The following RIMBP2 variants were observed in gnomAD, a reference collection of about 807,000 sequenced individuals.
The protein encoded by RIMBP2 is RIMS binding protein 2.
A neutral mutation model predicts 118.6 loss-of-function variants in RIMBP2; 48 were observed. The observed-to-expected ratio is 0.40, with a 90% CI of 0.32 to 0.51. RIMBP2 has a LOEUF of 0.51. RIMBP2 is among the 20% of genes least tolerant of loss of function. RIMBP2 has a pLI of 0.41. For synonymous variants in RIMBP2, 762 were observed against 742.9 expected, an observed-to-expected ratio of 1.03 and a Z score of -0.42; for missense variants, 1,551 against 1,768.3, an observed-to-expected ratio of 0.88 and a Z score of 2.20.
intron 2 of RIMBP2, among the ~76,000 whole-genome samples, chr12:130,610,551 C>CTTTTTTTTTTT (rs386378269): frequency 6.1e-5 from 5 of 81,566 alleles, no homozygotes; most frequent in African/African-American, 1.9e-4. Context: ...AATTTTCCTG[C>CTTTTTTTTTTT]TTTTTTTTTT....
rs1269962941 is a variant in RIMBP2 at position 130,559,305 on chromosome 12, C to A, written c.-216-41388G>T. ...ATTTTGTATCCTTCCAACAACAGCT[C>A]CCCACCCCCTACCCCATGCCCTGGC... On this transcript the variant is annotated intron_variant, in intron 2 of 22. Transcript: ENST00000690449. Among the ~76,000 whole-genome samples, 3 of 152,124 alleles carry A rather than the reference C, an allele frequency of 2.0e-5. No individual in the cohort carries two copies. In the East Asian group the frequency reaches 5.8e-4, roughly 29 times the overall value.
intron 2 of RIMBP2, among the ~76,000 whole-genome samples, chr12:130,611,178 C>T (rs867808345): frequency 3.7e-4 from 57 of 152,218 alleles, no homozygotes; most frequent in Non-Finnish European, 7.3e-5. Flanking sequence ...CTCCAGGCAT[C>T]GCTGCCAACA....
intron 1 of RIMBP2, among the ~76,000 whole-genome samples, chr12:130,646,394 A>C (rs80055208): frequency 9.2e-5 from 4 of 43,646 alleles, no homozygotes; most frequent in African/African-American, 1.6e-4. Context: ...CACCTCCCTC[A>C]CCACCTGCCT....
intron 1 of RIMBP2, among the ~76,000 whole-genome samples, chr12:130,687,794 A>C (rs1318130432): frequency 6.6e-6 from 1 of 152,212 alleles, no homozygotes; most frequent in African/African-American, 2.4e-5. Flanking sequence ...AAAGTATAAT[A>C]ATGGCTTATT....
At chr12:130,411,153 G>C (rs2075682654) in intron 19 of RIMBP2, among the ~76,000 whole-genome samples, 1 of 152,076 alleles carries the variant, frequency 6.6e-6, no homozygotes, top group African/African-American at 2.4e-5. Flanking sequence ...AATTTTCATT[G>C]CTCACATATG....
intron 3 of RIMBP2, among the ~76,000 whole-genome samples, chr12:130,509,452 T>C (rs2050684387): frequency 6.6e-6 from 1 of 152,224 alleles, no homozygotes; most frequent in Non-Finnish European, 1.5e-5. Context: ...GTACCTGGTC[T>C]ACCCCGGCTT....
chr12:130,403,322 C>T (rs1012799907), intron 21 of RIMBP2, among the ~76,000 whole-genome samples: 2 of 152,080 alleles, frequency 1.3e-5, no homozygotes, highest in Non-Finnish European at 2.9e-5. Context: ...AAGAAGCATA[C>T]GTTTCATATT....
chr12:130,546,049 C>T (rs1184654962), intron 2 of RIMBP2, among the ~76,000 whole-genome samples: 1 of 151,334 alleles, frequency 6.6e-6, no homozygotes, highest in Non-Finnish European at 1.5e-5. Flanking sequence ...ATGGGAGAGT[C>T]CTGTCCCCCT....
At chr12:130,652,822 A>G (rs1325086437) in intron 1 of RIMBP2, among the ~76,000 whole-genome samples, 2 of 152,188 alleles carry the variant, frequency 1.3e-5, no homozygotes, top group Non-Finnish European at 2.9e-5. Context: ...AAGCCAGCAC[A>G]TCACGTGGCA....
rs966011101 is a variant in RIMBP2, at chr12:130,576,413, A to G, written c.-217+51909T>C. Reference sequence around the variant, plus strand: ...TGGCGCATGACCCTCAGAGCCCTAAACACACTACCCGTGGGCAGCTGGCAG... The same window carrying G: ...TGGCGCATGACCCTCAGAGCCCTAAGCACACTACCCGTGGGCAGCTGGCAG... On this transcript the variant is annotated intron_variant, in intron 2 of 22. Coordinates refer to ENST00000690449, the MANE Select transcript of RIMBP2 (RefSeq NM_001393629.1). The surrounding 1 kb of genome is among the most constrained non-coding windows in gnomAD (Gnocchi z 4.2). Among the ~76,000 whole-genome samples the G allele has an allele frequency of 2.0e-5, 3 of 152,038 alleles. No individual in the cohort carries two copies. Among genetic ancestry groups the G allele is most frequent in the Non-Finnish European group, 4.4e-5 (3 of 68,000 alleles).
chr12:130,560,650 T>C lies in RIMBP2; in HGVS notation c.-216-42733A>G, dbSNP rs540411812. 2.8e-4 allele frequency among the ~76,000 whole-genome samples: 43 copies of C among 152,308 alleles called. No homozygotes were observed. The South Asian group carries it at 4.1e-3, about 15-fold the overall frequency. The stretch of plus-strand genomic sequence containing the variant: ...CAAGCTGCGCCTTTCCATGGCCCCA[T>C]GTTCATGAGTCAGGAGAGCAGCTCC... On this transcript the variant is annotated intron_variant, in intron 2 of 22. Transcript: ENST00000690449.
intron 2 of RIMBP2, among the ~76,000 whole-genome samples, chr12:130,605,735 C>T (rs4759734): frequency 6.6e-6 from 1 of 151,882 alleles, no homozygotes; most frequent in Non-Finnish European, 1.5e-5. Flanking sequence ...CTATTCTTGC[C>T]ATTTCAAGGT....
chr12:130,618,604 G>A (rs1290313054), intron 2 of RIMBP2, among the ~76,000 whole-genome samples: 1 of 152,118 alleles, frequency 6.6e-6, no homozygotes, highest in Non-Finnish European at 1.5e-5. Context: ...CAGGAGTTCT[G>A]CGGCTCTTCC....
intron 4 of RIMBP2, among the ~76,000 whole-genome samples, chr12:130,490,946 C>T (rs999866098): frequency 1.3e-5 from 2 of 152,108 alleles, no homozygotes; most frequent in Non-Finnish European, 2.9e-5. Context: ...CAGCAGCTCC[C>T]GAGCCCCCTG....
At chr12:130,439,609 G>A (rs2077894824) in intron 11 of RIMBP2, among the ~76,000 whole-genome samples, 1 of 119,694 alleles carries the variant, frequency 8.4e-6, no homozygotes, top group African/African-American at 3.2e-5. Flanking sequence ...GTGTGTTTTT[G>A]TGTATGTGGG....
chr12:130,486,302 C>T (rs954111934), intron 4 of RIMBP2, among the ~76,000 whole-genome samples: 8 of 151,968 alleles, frequency 5.3e-5, no homozygotes, highest in Non-Finnish European at 1.2e-4. Context: ...CCCCGTGGGG[C>T]GCGCTGACCT....
At chr12:130,483,435 G>A (rs1021864980) in intron 4 of RIMBP2, among the ~76,000 whole-genome samples, 1 of 152,184 alleles carries the variant, frequency 6.6e-6, no homozygotes, top group African/African-American at 2.4e-5. Flanking sequence ...GGGAGAAACA[G>A]AAAAAATAAA....
rs145528445 is a variant in RIMBP2, at chr12:130,433,455, C to G, written c.2253+1279G>C. ...GAGGCATAAAAATCACCCTGCCCTT[C>G]CCTCTTCAGAGAGAGCACCCTCAGC... On this transcript the variant is annotated intron_variant, in intron 14 of 22. Coordinates refer to ENST00000690449, the MANE Select transcript of RIMBP2 (RefSeq NM_001393629.1). Among the ~76,000 whole-genome samples, 739 of 152,330 alleles carry G rather than the reference C, an allele frequency of 4.9e-3. 3 individuals carry two copies. The highest frequency in any genetic ancestry group is 0.028 in the South Asian group (135 of 4,824).
chr12:130,563,323 C>G (rs4759727), intron 2 of RIMBP2, among the ~76,000 whole-genome samples: 27,580 of 152,244 alleles, frequency 0.18, 2,590 homozygotes, highest in Middle Eastern at 0.29. Context: ...GTGGCATCTC[C>G]AGCTGGAAGT....
Sources: gnomAD v4.1 joint callset for allele counts (sites outside exome capture counted in the v4.1 genomes callset) on GRCh38, gnomAD v4.1.1 for gene constraint, Gnocchi (gnomAD v3.1) non-coding constraint, MANE v1.5 for transcripts, NCBI Gene and HGNC (gene_info 2026-07-23, HGNC 2026-07-21) for gene names.